The following CLSTN3 variants were observed in gnomAD, a reference collection of about 807,000 sequenced individuals.
CLSTN3 encodes calsyntenin 3, also known as calsyntenin-3.
A neutral mutation model predicts 95.9 loss-of-function variants in CLSTN3; 36 were observed. That is an observed-to-expected ratio of 0.38 (90% CI 0.29 to 0.50). The LOEUF is 0.50. Ranked by LOEUF, CLSTN3 falls within the 20% of genes least tolerant of loss-of-function variation. CLSTN3 has a pLI of 0.95. For missense variants in CLSTN3, 1,084 were observed against 1,268.8 expected, an observed-to-expected ratio of 0.85 and a Z score of 2.21; for synonymous variants, 481 against 504.0, an observed-to-expected ratio of 0.95 and a Z score of 0.61.
chr12:7,156,149 A>T, intron 16 of CLSTN3: 5 of 383,198 alleles, frequency 1.3e-5, no homozygotes, highest in South Asian at 9.6e-5. Flanking sequence ...TCCCTCAGCA[A>T]CGGGACCGCC....
At chr12:7,131,258 G>A in intron 1 of CLSTN3, 1 of 211,630 alleles carries the variant, frequency 4.7e-6, no homozygotes, top group Non-Finnish European at 9.7e-6. Context: ...TACCAGAGCT[G>A]CCCTCTCTGG....
chr12:7,130,316 CAGTCACCTGATTGGCCGG>C, upstream of CLSTN3: 1 of 946,922 alleles, frequency 1.1e-6, no homozygotes, highest in Non-Finnish European at 1.4e-6. Context: ...CCCCCCCTCC[CAGTCACCTGATTGGCCGG>C]CGGCCCCATC....
At chr12:7,151,136 C>T in intron 16 of CLSTN3, 73 bp downstream of exon 16, 4 of 1,441,732 alleles carry the variant, frequency 2.8e-6, no homozygotes, top group East Asian at 2.5e-5. Flanking sequence ...GTATCCTCCC[C>T]CTCCACCTCT....
rs1939526549 is a variant in CLSTN3, at chr12:7,141,532, ACT to A, written c.1486+131_1486+132del. ...CATCTCTCTGCAGCTGTGCAGGGTGACTCTGAAGATCTCCATGGGAAGGGACC... is the reference window on the plus strand; with the variant it reads ...CATCTCTCTGCAGCTGTGCAGGGTGACTGAAGATCTCCATGGGAAGGGACC... On this transcript the variant is annotated intron_variant, in intron 9 of 17. Transcript: ENST00000266546. This position sits in a 1 kb window ranked among gnomAD's most constrained non-coding sequence, Gnocchi z 4.1. The A allele has an allele frequency of 3.1e-6, 3 of 968,352 alleles. No individual in the cohort carries two copies. In the South Asian group the frequency reaches 4.2e-5, roughly 13 times the overall value. The allele number at this position is 968,352 out of a possible 1,614,324, so 60.0% of individuals were successfully genotyped here.
upstream of CLSTN3, chr12:7,130,288 C>G (rs1432320099): frequency 3.6e-6 from 3 of 822,530 alleles, no homozygotes; most frequent in Non-Finnish European, 5.0e-6. Context: ...CTCCCTCCCC[C>G]GCTGCAGCAC....
intron 1 of CLSTN3, 76 bp downstream of exon 1, chr12:7,130,788 T>TGTCG: frequency 7.5e-7 from 1 of 1,337,350 alleles, no homozygotes; most frequent in Non-Finnish European, 1.0e-6. Context: ...GGGAAGGAGG[T>TGTCG]GTCGAGGCTC....
Position 7,141,229 on chromosome 12 carries a change from C to T in CLSTN3, c.1324-13C>T. 6.2e-7 allele frequency: 1 copy of T among 1,612,328 alleles called. No homozygotes were observed. The highest frequency in any genetic ancestry group is 2.2e-5 in the East Asian group (1 of 44,834). The stretch of plus-strand genomic sequence containing the variant: ...TTACCTGAGAGGCTCTTGCCCCTAC[C>T]CTACTCTCCCAGGTCTGTGATGATG... On this transcript the variant is annotated splice_polypyrimidine_tract_variant and intron_variant, in intron 8 of 17. Transcript: ENST00000266546. The surrounding 1 kb of genome is among the most constrained non-coding windows in gnomAD (Gnocchi z 4.1).
In CLSTN3 at chr12:7,149,741, A is replaced by G. The variant is rs1427105176; in HGVS notation, c.2245+48A>G. ...TCCTCTGTGTGTGTGTGCCCCTCCC[A>G]AAAAGTAAGGGCCTAGGAAGCCCAG... is the stretch of plus-strand genomic sequence containing the variant. On this transcript the variant is annotated intron_variant, in intron 14 of 17. Coordinates refer to ENST00000266546, the MANE Select transcript of CLSTN3 (RefSeq NM_014718.4). This position sits in a 1 kb window ranked among gnomAD's most constrained non-coding sequence, Gnocchi z 4.5. 1.3e-6 allele frequency: 2 copies of G among 1,554,994 alleles called. No individual in the cohort carries two copies. The highest frequency in any genetic ancestry group is 2.4e-5 in the South Asian group (2 of 85,036).
In CLSTN3 at chr12:7,136,860, C is replaced by A; in HGVS notation, c.960C>A (p.Pro320=). ...CCACTGGGGAGGTGGATCTGTTGCC[C>A]ATGCCTGGCCCCAATGCCAACTGGA... ...GAATGEVDLL[P]MPGPNANWTA... The change falls in exon 7 of 18, where the codon CCC becomes CCA. Residue 320 remains proline, a synonymous_variant. Coordinates refer to ENST00000266546, the MANE Select transcript of CLSTN3 (RefSeq NM_014718.4). 1 of 1,614,138 alleles carries A rather than the reference C, an allele frequency of 6.2e-7. No individual in the cohort carries two copies.
Position 7,137,862 on chromosome 12 carries a change from T to A in CLSTN3, c.1211-93T>A. 1 of 828,406 alleles carries A rather than the reference T, an allele frequency of 1.2e-6. No homozygotes were observed. Among genetic ancestry groups the A allele is most frequent in the Non-Finnish European group, 1.9e-6 (1 of 517,226 alleles). The allele number at this position is 828,406 out of a possible 1,614,324, so 51.3% of individuals were successfully genotyped here. A position where few individuals can be genotyped will look rare whatever the true frequency, so the allele number is the denominator to read the frequency against. On this transcript the variant is annotated intron_variant, in intron 7 of 17. Coordinates refer to ENST00000266546, the MANE Select transcript of CLSTN3 (RefSeq NM_014718.4). The surrounding 1 kb of genome is among the most constrained non-coding windows in gnomAD (Gnocchi z 4.4). ...AGAGAACGAGGGAATGAGAGAGGATTAAGAGAATCCAACATCCTCTCCTTC... is the reference window on the plus strand; with the variant it reads ...AGAGAACGAGGGAATGAGAGAGGATAAAGAGAATCCAACATCCTCTCCTTC...
rs1939703184 is a variant in CLSTN3, at chr12:7,150,453, G to T, written c.2246-91G>T. 2.0e-6 allele frequency: 3 copies of T among 1,464,920 alleles called. No individual in the cohort carries two copies. The highest frequency in any genetic ancestry group is 2.8e-6 in the Non-Finnish European group (3 of 1,084,656). The allele number at this position is 1,464,920 out of a possible 1,614,324, so 90.7% of individuals were successfully genotyped here. A position where few individuals can be genotyped will look rare whatever the true frequency, so the allele number is the denominator to read the frequency against. On this transcript the variant is annotated intron_variant, in intron 14 of 17. Transcript: ENST00000266546. This position sits in a 1 kb window ranked among gnomAD's most constrained non-coding sequence, Gnocchi z 4.0. ...GGGGCTGACCTGCTCTACAGCTTGTGTGGCGTCAGCTGGTGGGAGTCCAGG... is the reference window on the plus strand; with the variant it reads ...GGGGCTGACCTGCTCTACAGCTTGTTTGGCGTCAGCTGGTGGGAGTCCAGG...
intron 16 of CLSTN3, chr12:7,156,863 C>T (rs971906560): frequency 2.2e-6 from 1 of 455,456 alleles, no homozygotes; most frequent in African/African-American, 2.0e-5. Context: ...GAAGCAGGAA[C>T]CCCAGACGTC....
At position 7,158,449 on chromosome 12, in the gene CLSTN3, T is replaced by A. The variant is rs1939862013; in HGVS notation, c.*368T>A. 1 of 178,464 alleles carries A rather than the reference T, an allele frequency of 5.6e-6. No homozygotes were observed. The highest frequency in any genetic ancestry group is 2.4e-5 in the African/African-American group (1 of 42,208). 11.1% of individuals were successfully genotyped at this position (178,464 alleles called of 1,614,324 possible). On this transcript the variant is annotated 3_prime_UTR_variant, in exon 18 of 18. Coordinates refer to ENST00000266546, the MANE Select transcript of CLSTN3 (RefSeq NM_014718.4). ...CTGGGGCTGGGGCTGGGGGTGGGAT[T>A]GAAGGAAACCCTCTCCTCTCCCCTT...
At chr12:7,156,537 C>T (rs755507363) in intron 16 of CLSTN3, 4 of 456,736 alleles carry the variant, frequency 8.8e-6, no homozygotes, top group Non-Finnish European at 1.3e-5. Context: ...CCTTTACTCC[C>T]GCAGTGTGAG....
chr12:7,132,400 G>C (rs1591612724), intron 1 of CLSTN3: 1 of 208,476 alleles, frequency 4.8e-6, no homozygotes, highest in East Asian at 1.3e-4. Context: ...TGATTCCTCT[G>C]CTCCATTCCT....
chr12:7,135,189 A>G (rs1224202805), intron 3 of CLSTN3, 138 bp from the exon 4 acceptor site: 5 of 781,508 alleles, frequency 6.4e-6, no homozygotes, highest in Admixed American at 2.1e-5. Context: ...CTGTCCCTCC[A>G]TGTGCCGTAT....
At position 7,158,362 on chromosome 12, in the gene CLSTN3, C is replaced by T; in HGVS notation, c.*281C>T. 3.0e-6 allele frequency: 1 copy of T among 332,622 alleles called. No homozygotes were observed. The highest frequency in any genetic ancestry group is 5.5e-6 in the Non-Finnish European group (1 of 180,820). 20.6% of individuals were successfully genotyped at this position (332,622 alleles called of 1,614,324 possible). On this transcript the variant is annotated 3_prime_UTR_variant, in exon 18 of 18. Transcript: ENST00000266546. ...GGCTGGACTTCAGCTGCCTTTCTAC[C>T]CCCAATGGCAGCTGCCCCCTTAGCA...
In CLSTN3 at chr12:7,138,021, T is replaced by C; in HGVS notation, c.1277T>C (p.Leu426Pro). Residue 426 changes from leucine to proline, a missense_variant, in exon 8 of 18, where the codon CTG (leucine) becomes CCG (proline). By Grantham distance (98) the Leu-to-Pro change is moderately conservative. Coordinates refer to ENST00000266546, the MANE Select transcript of CLSTN3 (RefSeq NM_014718.4). ...GCRIAFLYWP[L>P]LESARPVKFL... ...AGGATTGCCTTCCTCTACTGGCCCC[T>C]GCTTGAGAGTGCCCGCCCAGTCAAG... 6.2e-7 allele frequency: 1 copy of C among 1,613,872 alleles called. No individual in the cohort carries two copies. Among genetic ancestry groups the C allele is most frequent in the Non-Finnish European group, 8.5e-7 (1 of 1,179,948 alleles).
chr12:7,149,209 C>G lies in CLSTN3; in HGVS notation c.2074+11C>G. On this transcript the variant is annotated intron_variant, in intron 13 of 17. Coordinates refer to ENST00000266546, the MANE Select transcript of CLSTN3 (RefSeq NM_014718.4). This position sits in a 1 kb window ranked among gnomAD's most constrained non-coding sequence, Gnocchi z 4.5. ...GTTGGCAGGGCACAGGTAAGGACGA[C>G]TTCGGGGAGTAACACCATCCAGAGA... 1 of 1,606,062 alleles carries G rather than the reference C, an allele frequency of 6.2e-7. No homozygotes were observed. Among genetic ancestry groups the G allele is most frequent in the South Asian group, 1.1e-5 (1 of 90,586 alleles).
Sources: gnomAD v4.1 joint callset for allele counts on GRCh38, gnomAD v4.1.1 for gene constraint, Gnocchi (gnomAD v3.1) non-coding constraint, MANE v1.5 for transcripts, NCBI Gene and HGNC (gene_info 2026-07-23, HGNC 2026-07-21) for gene names.